The following SLC38A6 variants were observed in gnomAD, a reference collection of about 807,000 sequenced individuals.
SLC38A6 encodes the protein N system amino acid transporter NAT-1.
SLC38A6 carries 73 observed loss-of-function variants against 65.0 expected under a neutral mutation model. The ratio of observed to expected loss-of-function variants is 1.12; its 90% confidence interval spans 0.93 to 1.37. The LOEUF (loss-of-function observed/expected upper bound fraction) is 1.37, where lower values mean the gene tolerates loss of function less well. Among genes scored for constraint, SLC38A6 ranks in the 40% most tolerant of loss-of-function variants. The probability of loss-of-function intolerance (pLI) is 0.00; values close to 1 mark genes in which losing one functional copy is unlikely to be tolerated. For missense variants in SLC38A6, 561 were observed against 531.1 expected (o/e 1.06, Z -0.55); for synonymous variants, 183 against 178.8 (o/e 1.02, Z -0.19).
chr14:61,066,030 A>G (rs1309234889), intron 15 of SLC38A6, among the ~76,000 whole-genome samples: 1 of 152,244 alleles, frequency 6.6e-6, no homozygotes, highest in African/African-American at 2.4e-5. Flanking sequence ...TGGCTGTGTT[A>G]GAATTAGCCC....
chr14:61,072,948 C>T (rs958316678), intron 15 of SLC38A6, among the ~76,000 whole-genome samples: 2 of 152,130 alleles, frequency 1.3e-5, no homozygotes, highest in African/African-American at 4.8e-5. Context: ...TTTTGAGGAA[C>T]CTCCAAACTG....
chr14:60,988,069 C>T (rs1184875173), intron 3 of SLC38A6, among the ~76,000 whole-genome samples: 1 of 152,226 alleles, frequency 6.6e-6, no homozygotes, highest in Non-Finnish European at 1.5e-5. Context: ...CACAGTCAAT[C>T]ATCAGCAAAA....
intron 3 of SLC38A6, among the ~76,000 whole-genome samples, chr14:61,008,214 C>A (rs185565838): frequency 8.5e-4 from 130 of 152,228 alleles, no homozygotes; most frequent in Middle Eastern, 3.4e-3. Flanking sequence ...CATGAAGTTT[C>A]CAAATTCGTT....
chr14:61,053,736 G>T (rs569560771), downstream of SLC38A6, among the ~76,000 whole-genome samples: 252 of 151,940 alleles, frequency 1.7e-3, no homozygotes, highest in African/African-American at 5.7e-3. Flanking sequence ...TTAATGGGGT[G>T]GTTTTTCTCT....
At chr14:61,076,112 C>T (rs372435518) in intron 15 of SLC38A6, among the ~76,000 whole-genome samples, 1 of 152,142 alleles carries the variant, frequency 6.6e-6, no homozygotes, top group East Asian at 1.9e-4. Context: ...GTCTTGGCCT[C>T]CCAAAGTGCT....
intron 4 of SLC38A6, 51 bp downstream of exon 4, chr14:61,016,007 CT>C (rs1440051429): frequency 1.4e-6 from 2 of 1,450,206 alleles, no homozygotes; most frequent in African/African-American, 2.9e-5. Context: ...GGCATTTTTC[CT>C]TTTGTTTCAA....
intron 8 of SLC38A6, among the ~76,000 whole-genome samples, chr14:61,037,987 A>T (rs2041518516): frequency 6.6e-6 from 1 of 152,136 alleles, no homozygotes. Flanking sequence ...TTATTCCTGT[A>T]CCATACTGTA....
At chr14:61,055,071 G>A (rs1289697364), downstream of SLC38A6, among the ~76,000 whole-genome samples, 3 of 124,062 alleles carry the variant, frequency 2.4e-5, no homozygotes, top group Non-Finnish European at 5.1e-5. Flanking sequence ...TTAACATGAA[G>A]CAGTGTTGAA....
intron 6 of SLC38A6, chr14:61,034,158 T>C (rs979941325): frequency 2.6e-5 from 4 of 152,126 alleles, no homozygotes; most frequent in African/African-American, 7.2e-5. Context: ...TGGTCAGTTA[T>C]ATGACTTTTA....
intron 3 of SLC38A6, among the ~76,000 whole-genome samples, chr14:61,010,192 G>A (rs1056159321): frequency 9.9e-5 from 15 of 152,124 alleles, no homozygotes; most frequent in African/African-American, 1.9e-4. Flanking sequence ...TTTGAGAAGT[G>A]TCTGTTCATA....
At chr14:61,069,453 G>A (rs1379442518) in intron 15 of SLC38A6, among the ~76,000 whole-genome samples, 1 of 151,924 alleles carries the variant, frequency 6.6e-6, no homozygotes, top group Non-Finnish European at 1.5e-5. Context: ...TCTTACGTAT[G>A]TTCTACAATA....
At chr14:61,078,766 ATTTTT>A (rs1236558860) in intron 15 of SLC38A6, 1 of 172,286 alleles carries the variant, frequency 5.8e-6, no homozygotes, top group Non-Finnish European at 1.1e-5. Flanking sequence ...ATTTATTTTT[ATTTTT>A]TATTTTATTT....
At chr14:61,028,823 T>A (rs980867652) in intron 5 of SLC38A6, among the ~76,000 whole-genome samples, 2 of 152,194 alleles carry the variant, frequency 1.3e-5, no homozygotes, top group African/African-American at 2.4e-5. Context: ...TAAAAAAAAT[T>A]GAGAGTGTAT....
chr14:61,012,045 T>C (rs542426884), intron 3 of SLC38A6, among the ~76,000 whole-genome samples: 1 of 152,334 alleles, frequency 6.6e-6, no homozygotes, highest in South Asian at 2.1e-4. Context: ...CTATTAATTA[T>C]TGCCTCAATT....
intron 10 of SLC38A6, among the ~76,000 whole-genome samples, chr14:61,044,765 T>C (rs773098522): frequency 3.9e-5 from 6 of 152,202 alleles, no homozygotes; most frequent in Admixed American, 1.3e-4. Context: ...GTATATTACA[T>C]TGGATCTCTT....
intron 13 of SLC38A6, 98 bp from the exon 14 acceptor site, chr14:61,051,689 G>T: frequency 7.4e-7 from 1 of 1,349,988 alleles, no homozygotes; most frequent in Non-Finnish European, 1.0e-6. Flanking sequence ...AATGATGTAG[G>T]AGGCAAAAAT....
At chr14:61,063,709 A>ATACT (rs58435169) in intron 15 of SLC38A6, among the ~76,000 whole-genome samples, 134,452 of 151,930 alleles carry the variant, frequency 0.88, 60,202 homozygotes, top group Non-Finnish European at 0.96. Flanking sequence ...GAAGATCAAG[A>ATACT]TATTTAGCAA....
chr14:60,982,111 G>A (rs2037088815), intron 1 of SLC38A6: 5 of 457,916 alleles, frequency 1.1e-5, no homozygotes, highest in South Asian at 7.7e-5. Flanking sequence ...CCTAGTAATT[G>A]AGGAGAAACA....
chr14:61,028,968 T>C (rs1428869072), intron 5 of SLC38A6, among the ~76,000 whole-genome samples: 1 of 152,158 alleles, frequency 6.6e-6, no homozygotes, highest in Non-Finnish European at 1.5e-5. Flanking sequence ...TGATGTTGAT[T>C]GAGAAATATA....
Sources: allele counts gnomAD v4.1 joint callset (sites outside exome capture counted in the v4.1 genomes callset), GRCh38; gene constraint gnomAD v4.1.1; transcripts MANE v1.5; gene names NCBI Gene and HGNC (gene_info 2026-07-23, HGNC 2026-07-21).